Variants in INPP5B observed in about 807,000 individuals in gnomAD.
INPP5B encodes the protein type II inositol 1,4,5-trisphosphate 5-phosphatase.
A neutral mutation model predicts 118.5 loss-of-function variants in INPP5B; 90 were observed. That is an observed-to-expected ratio of 0.76 (90% confidence interval 0.64 to 0.90). The LOEUF is 0.90. INPP5B is among the 40% of genes least tolerant of loss of function. INPP5B has a pLI of 0.00. For synonymous variants in INPP5B, 385 were observed against 418.9 expected, an observed-to-expected ratio of 0.92 and a Z score of 0.99; for missense variants, 984 against 1,125.6, an observed-to-expected ratio of 0.87 and a Z score of 1.80.
At position 37,945,906 on chromosome 1, in the gene INPP5B, G is replaced by A; in HGVS notation, c.58-56C>T. On this transcript the variant is annotated intron_variant, in intron 2 of 23. Coordinates refer to ENST00000373024, the MANE Select transcript of INPP5B (RefSeq NM_005540.3). ...AGAGGCGAGGCCTCTCCCCACCCAG[G>A]CTGTCCCACCTTCCCTCTGTTCCCC... 2.6e-6 allele frequency: 4 copies of A among 1,518,796 alleles called. No homozygotes were observed. In the South Asian group the frequency reaches 3.4e-5, roughly 13 times the overall value. 94.1% of individuals were successfully genotyped at this position (1,518,796 alleles called of 1,614,324 possible).
At chr1:37,916,867 A>G (rs977896843) in intron 7 of INPP5B, among the ~76,000 whole-genome samples, 6 of 151,970 alleles carry the variant, frequency 3.9e-5, no homozygotes, top group Admixed American at 3.3e-4. Context: ...CTTTTGCTCT[A>G]TTTCCTCCTC....
At chr1:37,868,254 A>G (rs1642169983) in intron 20 of INPP5B, among the ~76,000 whole-genome samples, 1 of 149,728 alleles carries the variant, frequency 6.7e-6, no homozygotes, top group South Asian at 2.1e-4. Flanking sequence ...CGGAGGTTGC[A>G]GTGAGTCAAG....
intron 14 of INPP5B, among the ~76,000 whole-genome samples, chr1:37,882,279 T>C (rs541570055): frequency 6.6e-6 from 1 of 152,200 alleles, no homozygotes; most frequent in East Asian, 1.9e-4. Flanking sequence ...GGAAACAGAT[T>C]CTCTTGTACT....
chr1:37,946,526 C>T (rs781555302), intron 1 of INPP5B, among the ~76,000 whole-genome samples, 192 bp from the exon 2 acceptor site: 2 of 152,144 alleles, frequency 1.3e-5, no homozygotes, highest in African/African-American at 2.4e-5. Flanking sequence ...GGATAGGGGT[C>T]CAGTCCCTTT....
chr1:37,920,672 AAAAAG>A (rs1645020859), intron 7 of INPP5B, among the ~76,000 whole-genome samples: 1 of 134,842 alleles, frequency 7.4e-6, no homozygotes. Context: ...CTCAAAAAAA[AAAAAG>A]AAGAAGAAGA....
At chr1:37,920,674 AAAGAAG>A (rs71054002) in intron 7 of INPP5B, among the ~76,000 whole-genome samples, 15 of 149,224 alleles carry the variant, frequency 1.0e-4, no homozygotes, top group Non-Finnish European at 1.8e-4. Flanking sequence ...CAAAAAAAAA[AAAGAAG>A]AAGAAGAACA....
chr1:37,908,570 C>G (rs1457347854), intron 7 of INPP5B, among the ~76,000 whole-genome samples: 1 of 149,990 alleles, frequency 6.7e-6, no homozygotes, highest in Non-Finnish European at 1.5e-5. Context: ...AGACCCCGTT[C>G]TCCAGAAAAA....
rs541221065 is a variant in INPP5B at position 37,864,254 on chromosome 1, T to C, written c.2626+58A>G. The C allele has an allele frequency of 7.3e-6, 7 of 953,522 alleles. No homozygotes were observed. In the African/African-American group the frequency reaches 1.1e-4, roughly 15 times the overall value. The allele number at this position is 953,522 out of a possible 1,614,324, so 59.1% of individuals were successfully genotyped here. On this transcript the variant is annotated intron_variant, in intron 23 of 23. Transcript: ENST00000373024. ...ACCTGGGACCCTCCTCAACCTCATT[T>C]CTCATTACGAGTCTCTCAGTTTGCA...
rs1293537279 is a variant in INPP5B at position 37,885,618 on chromosome 1, G to C, written c.1319+20C>G. The C allele has an allele frequency of 6.2e-7, 1 of 1,610,392 alleles. No homozygotes were observed. Among genetic ancestry groups the C allele is most frequent in the Non-Finnish European group, 8.5e-7 (1 of 1,178,086 alleles). ...CTATGTACTCATGGTGAACCGCATG[G>C]GGTGGAAGCCCAGACTCACTCATGG... On this transcript the variant is annotated intron_variant, in intron 13 of 23. Transcript: ENST00000373024.
intron 10 of INPP5B, 24 bp downstream of exon 10, chr1:37,888,219 G>A: frequency 7.2e-7 from 1 of 1,384,806 alleles, no homozygotes; most frequent in Admixed American, 2.6e-5. Flanking sequence ...AAGATGGAGA[G>A]GGGACTAGAA....
intron 8 of INPP5B, among the ~76,000 whole-genome samples, chr1:37,890,938 C>A (rs1293981661): frequency 6.6e-6 from 1 of 152,094 alleles, no homozygotes; most frequent in African/African-American, 2.4e-5. Flanking sequence ...TTATTAAGAA[C>A]ATTTCCAGCC....
intron 7 of INPP5B, chr1:37,931,541 G>A: frequency 6.5e-7 from 1 of 1,536,750 alleles, no homozygotes; most frequent in Middle Eastern, 1.7e-4. Context: ...CCAGCCTCCA[G>A]AGGGCCACCA....
At chr1:37,885,469 T>A in intron 13 of INPP5B, 169 bp downstream of exon 13, 2 of 536,748 alleles carry the variant, frequency 3.7e-6, no homozygotes, top group South Asian at 3.1e-5. Context: ...AGATAGCAAG[T>A]TAGGAAACTA....
intron 2 of INPP5B, 103 bp downstream of exon 2, chr1:37,946,149 A>G: frequency 1.8e-6 from 2 of 1,099,276 alleles, no homozygotes; most frequent in Non-Finnish European, 1.4e-6. Flanking sequence ...TTCTCCCCTG[A>G]TGGTTCAGAG....
chr1:37,934,229 G>A (rs1196965873), intron 6 of INPP5B, among the ~76,000 whole-genome samples: 1 of 152,036 alleles, frequency 6.6e-6, no homozygotes, highest in Non-Finnish European at 1.5e-5. Flanking sequence ...CACCCCATCC[G>A]GCCCCTATTA....
chr1:37,909,295 C>A (rs1020348129), intron 7 of INPP5B, among the ~76,000 whole-genome samples: 9 of 152,120 alleles, frequency 5.9e-5, no homozygotes, highest in African/African-American at 2.2e-4. Flanking sequence ...TCTACAGACC[C>A]ATCTGACCTC....
At position 37,861,122 on chromosome 1, in the gene INPP5B, C is replaced by G. The variant is rs1175228048; in HGVS notation, c.*1193G>C. The G allele has an allele frequency of 6.6e-6, 1 of 152,236 alleles. No individual in the cohort carries two copies. The highest frequency in any genetic ancestry group is 2.4e-5 in the African/African-American group (1 of 41,464). The allele number at this position is 152,236 out of a possible 1,614,324, so 9.4% of individuals were successfully genotyped here. On this transcript the variant is annotated 3_prime_UTR_variant, in exon 24 of 24. Coordinates refer to ENST00000373024, the MANE Select transcript of INPP5B (RefSeq NM_005540.3). ...GAGATTACAGGCGTGAGCCACTGTG[C>G]CTGGTCATTTTAATTTTTTAAATGC...
At chr1:37,899,033 T>C (rs562611150) in intron 7 of INPP5B, among the ~76,000 whole-genome samples, 62 of 150,006 alleles carry the variant, frequency 4.1e-4, no homozygotes, top group African/African-American at 1.4e-3. Flanking sequence ...AATGCAAAAT[T>C]AGCCAGGTGT....
chr1:37,869,549 G>A (rs987193657), intron 19 of INPP5B, among the ~76,000 whole-genome samples: 9 of 151,664 alleles, frequency 5.9e-5, no homozygotes, highest in Admixed American at 2.0e-4. Context: ...GTGCGATCTC[G>A]GCTCACTGCA....
Sources: gnomAD v4.1 joint callset for allele counts (sites outside exome capture counted in the v4.1 genomes callset) on GRCh38, gnomAD v4.1.1 for gene constraint, MANE v1.5 for transcripts, NCBI Gene and HGNC (gene_info 2026-07-23, HGNC 2026-07-21) for gene names.